Variants in MRRF observed in about 807,000 individuals in gnomAD.
MRRF encodes the protein ribosome-recycling factor, mitochondrial.
MRRF carries 18 observed loss-of-function variants against 25.1 expected under a neutral mutation model. That is an observed-to-expected ratio of 0.72 (90% CI 0.50 to 1.06). The LOEUF (loss-of-function observed/expected upper bound fraction) is 1.06, where lower values mean the gene tolerates loss of function less well. Ranked by LOEUF, MRRF falls within the 50% of genes least tolerant of loss-of-function variation. The pLI is 0.00. For missense variants in MRRF, 323 were observed against 319.3 expected (o/e 1.01, Z -0.09); for synonymous variants, 113 against 112.1 (o/e 1.01, Z -0.05).
chr9:122,320,059 G>A lies in MRRF; in HGVS notation c.712-2481G>A, dbSNP rs542084617. On this transcript the variant is annotated intron_variant, in intron 6 of 6. Coordinates refer to ENST00000344641, the MANE Select transcript of MRRF (RefSeq NM_138777.5). The stretch of plus-strand genomic sequence containing the variant: ...CTGGCTAACTTTTTGTGTTTTTTTA[G>A]AGATGGGGTTTCCCCATGTTGCCAG... 9.9e-5 allele frequency among the ~76,000 whole-genome samples: 15 copies of A among 151,716 alleles called. No homozygotes were observed. In the South Asian group the frequency reaches 3.1e-3, roughly 32 times the overall value.
chr9:122,309,519 A>G (rs1835075250), intron 5 of MRRF, among the ~76,000 whole-genome samples: 1 of 152,158 alleles, frequency 6.6e-6, no homozygotes, highest in Non-Finnish European at 1.5e-5. Flanking sequence ...CTTAAATATC[A>G]CTTAGCCTCA....
chr9:122,266,845 G>A (rs189243778), intron 1 of MRRF, among the ~76,000 whole-genome samples: 20 of 152,318 alleles, frequency 1.3e-4, no homozygotes, highest in Non-Finnish European at 2.2e-4. Flanking sequence ...AGGCCCAGGC[G>A]GGCGGATCAC....
chr9:122,282,490 T>C (rs1833142804), intron 3 of MRRF, among the ~76,000 whole-genome samples: 1 of 152,216 alleles, frequency 6.6e-6, no homozygotes, highest in African/African-American at 2.4e-5. Flanking sequence ...TGTATAAAAC[T>C]ATACAGCAAA....
chr9:122,297,801 T>G (rs1403195457), intron 5 of MRRF, among the ~76,000 whole-genome samples: 1 of 152,132 alleles, frequency 6.6e-6, no homozygotes, highest in Non-Finnish European at 1.5e-5. Flanking sequence ...CTTAGAGACA[T>G]GGACATTTCA....
At position 122,327,538 on chromosome 9, in the gene MRRF, T is replaced by C. The variant is rs571283989; in HGVS notation, c.*4921T>C. The C allele has an allele frequency of 2.0e-4, 30 of 152,348 alleles. No individual in the cohort carries two copies. The highest frequency in any genetic ancestry group is 9.1e-4 in the Admixed American group (14 of 15,306). The allele number at this position is 152,348 out of a possible 1,614,324, so 9.4% of individuals were successfully genotyped here. A position where few individuals can be genotyped will look rare whatever the true frequency, so the allele number is the denominator to read the frequency against. ...ATATGTATGCAGGAAATGTAGCTTA[T>C]AGAGTATGTTGTTTAGGTTTTCCAT... On this transcript the variant is annotated 3_prime_UTR_variant, in exon 7 of 7. Transcript: ENST00000344641.
chr9:122,288,253 T>TA (rs67916548), intron 4 of MRRF, among the ~76,000 whole-genome samples: 2 of 151,980 alleles, frequency 1.3e-5, no homozygotes, highest in South Asian at 4.2e-4. Context: ...AAAATAAAAA[T>TA]AAAAAACCAC....
chr9:122,321,555 A>G (rs571034988), intron 6 of MRRF, among the ~76,000 whole-genome samples: 1 of 152,326 alleles, frequency 6.6e-6, no homozygotes, highest in African/African-American at 2.4e-5. Context: ...GAACATTTGC[A>G]TCAATTTGAA....
chr9:122,285,203 C>T lies in MRRF; in HGVS notation c.375C>T (p.Asp125=), dbSNP rs138786050. The T allele has an allele frequency of 1.9e-5, 31 of 1,613,642 alleles. No homozygotes were observed. The Middle Eastern group carries it at 8.2e-4, about 43-fold the overall frequency. ...SLDKIAVVTA[D]GKLALNQISQ... Reference sequence around the variant, plus strand: ...ACAAGATTGCTGTGGTAACTGCTGACGGGAAGCTTGCTTTAAACCAGATTA... The same window carrying T: ...ACAAGATTGCTGTGGTAACTGCTGATGGGAAGCTTGCTTTAAACCAGATTA... The change falls in exon 4 of 7, where the codon GAC becomes GAT. Residue 125 remains aspartate (D), a synonymous_variant. Transcript: ENST00000344641.
rs112155957 is a variant in MRRF, at chr9:122,267,782, A to G, written c.-29+2844A>G. Among the ~76,000 whole-genome samples, 649 of 152,342 alleles carry G rather than the reference A, an allele frequency of 4.3e-3. 3 individuals carry two copies. Among genetic ancestry groups the G allele is most frequent in the African/African-American group, 0.015 (609 of 41,584 alleles). ...GGCTGAAATGAGTTCATGTGCATAA[A>G]CCACTTAGAATAGTTTCTGTCACGT... On this transcript the variant is annotated intron_variant, in intron 1 of 6. Coordinates refer to ENST00000344641, the MANE Select transcript of MRRF (RefSeq NM_138777.5).
intron 2 of MRRF, among the ~76,000 whole-genome samples, chr9:122,273,607 T>G (rs182739961): frequency 6.6e-6 from 1 of 152,300 alleles, no homozygotes. Context: ...TGTGCTTCAG[T>G]GAATTTTCAC....
chr9:122,326,035 G>A lies in MRRF; in HGVS notation c.*3418G>A, dbSNP rs1427323585. The A allele has an allele frequency of 6.7e-6, 1 of 149,408 alleles. No homozygotes were observed. The highest frequency in any genetic ancestry group is 1.5e-5 in the Non-Finnish European group (1 of 67,712). 9.3% of individuals were successfully genotyped at this position (149,408 alleles called of 1,614,324 possible). On this transcript the variant is annotated 3_prime_UTR_variant, in exon 7 of 7. Transcript: ENST00000344641. ...GCTGGTCTCAAACACCTGGCCTCAA[G>A]CGGTCCTTCTGCCTCAGCCTCCCAA...
chr9:122,296,908 C>T (rs1174903685), intron 5 of MRRF, among the ~76,000 whole-genome samples: 1 of 152,192 alleles, frequency 6.6e-6, no homozygotes, highest in Admixed American at 6.5e-5. Flanking sequence ...ACCCAGGAAA[C>T]AAAACTACAG....
chr9:122,316,167 A>G (rs1370787170), intron 6 of MRRF, among the ~76,000 whole-genome samples: 1 of 152,068 alleles, frequency 6.6e-6, no homozygotes, highest in East Asian at 1.9e-4. Context: ...ATCTTTCTAA[A>G]CATATTATTA....
intron 2 of MRRF, among the ~76,000 whole-genome samples, chr9:122,279,803 C>G (rs1355963162): frequency 6.6e-6 from 1 of 152,190 alleles, no homozygotes; most frequent in Admixed American, 6.5e-5. Flanking sequence ...TACCAGCCAT[C>G]AGATATTGTG....
At chr9:122,271,939 C>T (rs112107843) in intron 2 of MRRF, among the ~76,000 whole-genome samples, 38 of 152,254 alleles carry the variant, frequency 2.5e-4, no homozygotes, top group Admixed American at 7.8e-4. Context: ...TTCATGCAGA[C>T]CTTCCCCTTT....
intron 3 of MRRF, among the ~76,000 whole-genome samples, chr9:122,283,787 T>G (rs1021001594): frequency 2.0e-5 from 3 of 152,206 alleles, no homozygotes; most frequent in Non-Finnish European, 4.4e-5. Context: ...ATAGTAAGGT[T>G]TTTCTTCTAG....
Position 122,280,530 on chromosome 9 carries a change from A to G in MRRF, c.272A>G (p.Glu91Gly), listed in dbSNP as rs1356565659. 3 of 1,614,060 alleles carry G rather than the reference A, an allele frequency of 1.9e-6. No homozygotes were observed. Among genetic ancestry groups the G allele is most frequent in the African/African-American group, 1.3e-5 (1 of 75,074 alleles). Residue 91 changes from glutamate (E) to glycine (G), a missense_variant, in exon 3 of 7, where the codon GAA becomes GGA. By Grantham distance (98) the Glu-to-Gly change is moderately conservative. Coordinates refer to ENST00000344641, the MANE Select transcript of MRRF (RefSeq NM_138777.5). The part of the protein sequence containing the change: ...DIINLEEVNE[E>G]MKSVIEALKD... ...ATCAACTTGGAAGAGGTGAATGAAG[A>G]AATGAAGTCTGTGATAGAAGCTCTC... is the stretch of plus-strand genomic sequence containing the variant.
intron 5 of MRRF, among the ~76,000 whole-genome samples, chr9:122,293,432 T>C (rs1833895793): frequency 6.6e-6 from 1 of 152,206 alleles, no homozygotes; most frequent in African/African-American, 2.4e-5. Flanking sequence ...CCTCATGATG[T>C]ACCCATACCC....
rs1836058451 is a variant in MRRF at position 122,324,471 on chromosome 9, G to A, written c.*1854G>A. On this transcript the variant is annotated 3_prime_UTR_variant, in exon 7 of 7. Transcript: ENST00000344641. ...GTCCTGCTGCCTTCATTAGCATTTA[G>A]TGAGCACCAATTGTTTGTCAGGTGC... 1.3e-5 allele frequency: 2 copies of A among 152,234 alleles called. No homozygotes were observed. The highest frequency in any genetic ancestry group is 4.8e-5 in the African/African-American group (2 of 41,448). 9.4% of individuals were successfully genotyped at this position (152,234 alleles called of 1,614,324 possible).
Sources: allele counts gnomAD v4.1 joint callset (sites outside exome capture counted in the v4.1 genomes callset), GRCh38; gene constraint gnomAD v4.1.1; transcripts MANE v1.5; gene names NCBI Gene and HGNC (gene_info 2026-07-23, HGNC 2026-07-21).